The following GBP1 variants were observed in gnomAD, a reference collection of about 807,000 sequenced individuals.
The protein encoded by GBP1 is guanylate-binding protein 1.
A neutral mutation model predicts 69.5 loss-of-function variants in GBP1; 64 were observed. The ratio of observed to expected loss-of-function variants is 0.92; its 90% CI spans 0.75 to 1.13. The LOEUF (loss-of-function observed/expected upper bound fraction) is 1.13. GBP1 is among the 50% of genes most tolerant of loss of function. The pLI is 0.00. For missense variants in GBP1, 630 were observed against 704.1 expected, an observed-to-expected ratio of 0.89 and a Z score of 1.19; for synonymous variants, 250 against 261.2, an observed-to-expected ratio of 0.96 and a Z score of 0.41.
chr1:89,064,055 A>T (rs10801707), intron 1 of GBP1, among the ~76,000 whole-genome samples: 9,239 of 152,208 alleles, frequency 0.061, 867 homozygotes, highest in African/African-American at 0.2. Context: ...AGAGCTACCT[A>T]GGAAGTTGTT....
chr1:89,063,170 A>G lies in GBP1; in HGVS notation c.65T>C (p.Met22Thr), dbSNP rs1440739689. ...GATCTTCAGAGCTTCTGGATTCGCC[A>G]TCAGTCGCCCATTAGTGTTCTCAAT... Reference protein sequence around the residue: ...CLIENTNGRLMANPEALKILS... With the variant: ...CLIENTNGRLTANPEALKILS... Residue 22 changes from methionine (M) to threonine (T), a missense_variant, in exon 2 of 11, where the codon ATG becomes ACG. Met to Thr is a moderately conservative substitution (Grantham distance 81). Around this residue, in one of 5 missense-constraint regions of GBP1, gnomAD observed 131 missense variants for 138.5 expected, o/e 0.95. Coordinates refer to ENST00000370473, the MANE Select transcript of GBP1 (RefSeq NM_002053.3). The G allele has an allele frequency of 5.6e-6, 9 of 1,614,162 alleles. No individual in the cohort carries two copies. The highest frequency in any genetic ancestry group is 7.6e-6 in the Non-Finnish European group (9 of 1,179,996).
intron 3 of GBP1, among the ~76,000 whole-genome samples, chr1:89,059,838 C>T (rs929441988): frequency 1.3e-5 from 2 of 151,846 alleles, no homozygotes; most frequent in African/African-American, 4.8e-5. Context: ...TAATATACAC[C>T]TGTAATGTAT....
chr1:89,056,085 A>C lies in GBP1; in HGVS notation c.1299T>G (p.Tyr433Ter). The C allele has an allele frequency of 1.2e-6, 2 of 1,613,968 alleles. No individual in the cohort carries two copies. The highest frequency in any genetic ancestry group is 2.2e-5 in the South Asian group (2 of 91,062). The change falls in exon 8 of 11, where the codon TAT (tyrosine) becomes TAG (stop). Residue 433 changes from tyrosine (Y) to a stop codon, truncating the protein, a stop_gained. Coordinates refer to ENST00000370473, the MANE Select transcript of GBP1 (RefSeq NM_002053.3). LOFTEE classifies it high-confidence loss of function. ...KAGIYSKPGG[Y>*]RLFVQKLQDL... The stretch of plus-strand genomic sequence containing the variant: ...CTTGTAGCTTCTGAACAAAGAGACG[A>C]TAGCCCCCTGGTTTCGAATAAATTC...
chr1:89,053,423 T>A lies in GBP1; in HGVS notation c.1711A>T (p.Ile571Leu), dbSNP rs1380212079. The change falls in exon 11 of 11, where the codon ATA (isoleucine) becomes TTA (leucine). Residue 571 changes from isoleucine to leucine, a missense_variant. Ile to Leu is a conservative substitution (Grantham distance 5). Coordinates refer to ENST00000370473, the MANE Select transcript of GBP1 (RefSeq NM_002053.3). ...AGATCCTGTATCTCATTTTTCATTA[T>A]TCTGCTTTCTTTTTGAAATCCCTCT... Reference protein sequence around the residue: ...LKEGFQKESRIMKNEIQDLQT... With the variant: ...LKEGFQKESRLMKNEIQDLQT... 1 of 1,614,000 alleles carries A rather than the reference T, an allele frequency of 6.2e-7. No homozygotes were observed. Among genetic ancestry groups the A allele is most frequent in the Non-Finnish European group, 8.5e-7 (1 of 1,180,022 alleles).
chr1:89,054,662 A>T lies in GBP1; in HGVS notation c.1665+20T>A. On this transcript the variant is annotated intron_variant, in intron 10 of 10. Transcript: ENST00000370473. ...GAGAAAACAGAAAAACAGAAACCTC[A>T]AGGTGATGCAATTAGATACCTGAAG... 1 of 1,604,864 alleles carries T rather than the reference A, an allele frequency of 6.2e-7. No individual in the cohort carries two copies. Among genetic ancestry groups the T allele is most frequent in the Non-Finnish European group, 8.5e-7 (1 of 1,172,668 alleles).
intron 7 of GBP1, 93 bp from the exon 8 acceptor site, chr1:89,056,321 C>G: frequency 6.3e-7 from 1 of 1,596,272 alleles, no homozygotes; most frequent in Non-Finnish European, 8.5e-7. Context: ...AAATAGAAGT[C>G]AATGATGCTG....
intron 10 of GBP1, among the ~76,000 whole-genome samples, chr1:89,054,412 T>C (rs1281736520): frequency 6.6e-6 from 1 of 152,210 alleles, no homozygotes; most frequent in East Asian, 1.9e-4. Context: ...GATACAGATA[T>C]TTTAATGATG....
intron 10 of GBP1, among the ~76,000 whole-genome samples, chr1:89,054,214 C>T (rs1310973265): frequency 2.6e-5 from 4 of 152,044 alleles, no homozygotes; most frequent in Non-Finnish European, 5.9e-5. Flanking sequence ...ATTCTCCTGC[C>T]TCAGCTTCCT....
At chr1:89,058,582 A>G (rs909713422) in intron 5 of GBP1, 8 of 563,564 alleles carry the variant, frequency 1.4e-5, no homozygotes, top group Admixed American at 6.3e-5. Context: ...AAGATCACAA[A>G]CCCTAGGCAG....
rs749063933 is a variant in GBP1 at position 89,058,847 on chromosome 1, T to G, written c.625A>C (p.Lys209Gln). The G allele has an allele frequency of 6.2e-7, 1 of 1,614,122 alleles. No individual in the cohort carries two copies. The highest frequency in any genetic ancestry group is 8.5e-7 in the Non-Finnish European group (1 of 1,179,946). ...AGTTGAAGCTCTCTGTTACCTTTCT[T>G]CAGCTTCAGGGAGTATGTCAGGTAC... ...DEYLTYSLKL[K>Q]KGTSQKDETF... Residue 209 changes from lysine to glutamine, a missense_variant, in exon 5 of 11, where the codon AAG becomes CAG. Lys to Gln is a moderately conservative substitution (Grantham distance 53, BLOSUM62 1). This residue lies in a region of GBP1 where 367 missense variants were observed against 369.5 expected (regional missense o/e 0.99). Coordinates refer to ENST00000370473, the MANE Select transcript of GBP1 (RefSeq NM_002053.3).
At chr1:89,062,346 A>T (rs1276809131) in intron 2 of GBP1, among the ~76,000 whole-genome samples, 1 of 152,214 alleles carries the variant, frequency 6.6e-6, no homozygotes, top group Non-Finnish European at 1.5e-5. Flanking sequence ...GTTTTGACAC[A>T]TGCTAACACA....
intron 7 of GBP1, 102 bp from the exon 8 acceptor site, chr1:89,056,330 T>C: frequency 6.3e-7 from 1 of 1,581,046 alleles, no homozygotes; most frequent in Non-Finnish European, 8.6e-7. Context: ...TCAATGATGC[T>C]GGAGAAACTG....
At position 89,056,983 on chromosome 1, in the gene GBP1, C is replaced by A; in HGVS notation, c.1026G>T (p.Lys342Asn). The A allele has an allele frequency of 6.2e-7, 1 of 1,614,228 alleles. No individual in the cohort carries two copies. Among genetic ancestry groups the A allele is most frequent in the Non-Finnish European group, 8.5e-7 (1 of 1,180,038 alleles). Residue 342 changes from lysine (K) to asparagine (N), a missense_variant, in exon 7 of 11, where the codon AAG becomes AAT. Lys to Asn is a moderately conservative substitution (Grantham distance 94, BLOSUM62 0). Around this residue, in one of 5 missense-constraint regions of GBP1, gnomAD observed 367 missense variants for 369.5 expected, o/e 0.99. Transcript: ENST00000370473. ...IAHYEQQMGQ[K>N]VQLPTETLQE... is the part of the protein sequence containing the mutation. ...GGAGGGTTTCTGTGGGCAGCTGCAC[C>A]TTCTGGCCCATCTGCTGTTCATAGT...
At position 89,058,924 on chromosome 1, in the gene GBP1, C is replaced by T; in HGVS notation, c.548G>A (p.Arg183Lys). The T allele has an allele frequency of 6.2e-7, 1 of 1,614,202 alleles. No homozygotes were observed. The change falls in exon 5 of 11, where the codon AGA becomes AAA. Residue 183 changes from arginine to lysine, a missense_variant. Transcript: ENST00000370473. ...SFFPDFVWTLRDFSLDLEADG... is the reference protein window; with the variant it reads ...SFFPDFVWTLKDFSLDLEADG... ...TGCTTCCAAGTCCAGGGAGAAATCT[C>T]TCAGTGTCCACACAAAGTCTGGGAA...
At chr1:89,059,691 T>C (rs1680135860) in intron 3 of GBP1, among the ~76,000 whole-genome samples, 1 of 152,076 alleles carries the variant, frequency 6.6e-6, no homozygotes, top group African/African-American at 2.4e-5. Context: ...CAACAGATAA[T>C]TGTAAAATTA....
intron 2 of GBP1, among the ~76,000 whole-genome samples, chr1:89,061,017 C>T (rs1680181968): frequency 1.3e-5 from 2 of 152,190 alleles, no homozygotes; most frequent in South Asian, 4.1e-4. Flanking sequence ...AAACTTCAAA[C>T]ACCCTTTAAA....
intron 5 of GBP1, 56 bp from the exon 6 acceptor site, chr1:89,058,290 G>A: frequency 7.1e-7 from 1 of 1,413,094 alleles, no homozygotes; most frequent in Non-Finnish European, 9.6e-7. Context: ...TTCTGTAAAG[G>A]GCCAAATAGT....
Position 89,058,869 on chromosome 1 carries a change from G to A in GBP1, c.603C>T (p.Tyr201=), listed in dbSNP as rs1263491909. The A allele has an allele frequency of 3.1e-6, 5 of 1,614,178 alleles. No homozygotes were observed. In the Admixed American group the frequency reaches 5.0e-5, roughly 16 times the overall value. The change falls in exon 5 of 11, where the codon TAC becomes TAT. Residue 201 remains tyrosine (Y), a synonymous_variant. Coordinates refer to ENST00000370473, the MANE Select transcript of GBP1 (RefSeq NM_002053.3). The stretch of plus-strand genomic sequence containing the variant: ...TCTTCAGCTTCAGGGAGTATGTCAG[G>A]TACTCATCTGGTGTGAGGGGTTGTC... ...ADGQPLTPDE[Y]LTYSLKLKKG... is the part of the protein sequence containing the mutation.
chr1:89,056,509 G>A (rs940159954), intron 7 of GBP1, among the ~76,000 whole-genome samples: 1 of 152,180 alleles, frequency 6.6e-6, no homozygotes, highest in African/African-American at 2.4e-5. Flanking sequence ...GAATAAATGT[G>A]GCTGAACGGA....
Sources: gnomAD v4.1 joint callset for allele counts (sites outside exome capture counted in the v4.1 genomes callset) on GRCh38, gnomAD v4.1.1 for gene constraint, gnomAD v4.1.1 regional missense constraint, MANE v1.5 for transcripts, NCBI Gene and HGNC (gene_info 2026-07-23, HGNC 2026-07-21) for gene names.